Variants in ARHGAP28 observed in about 807,000 individuals in gnomAD.
ARHGAP28 encodes the protein Rho GTPase activating protein 28, also known as rho GTPase-activating protein 28.
A neutral mutation model predicts 90.7 loss-of-function variants in ARHGAP28; 56 were observed. The observed-to-expected ratio is 0.62, with a 90% confidence interval of 0.50 to 0.77. The LOEUF (loss-of-function observed/expected upper bound fraction) is 0.77, where lower values mean the gene tolerates loss of function less well. Ranked by LOEUF, ARHGAP28 falls within the 30% of genes least tolerant of loss-of-function variation. The pLI is 0.00. For missense variants in ARHGAP28, 869 were observed against 900.9 expected (o/e 0.96, Z 0.45); for synonymous variants, 308 against 323.3 (o/e 0.95, Z 0.51).
chr18:6,859,815 A>T lies in ARHGAP28; in HGVS notation c.644A>T (p.Asp215Val). 1 of 1,613,858 alleles carries T rather than the reference A, an allele frequency of 6.2e-7. No homozygotes were observed. The highest frequency in any genetic ancestry group is 8.5e-7 in the Non-Finnish European group (1 of 1,179,902). ...VIKTSGSMPD[D>V]ASLNSTTLSD... is the part of the protein sequence containing the mutation. ...TTTTATTTCTCCATTTAGCCAGATG[A>T]TGCTTCTCTCAACAGTACTACCCTG... Residue 215 changes from aspartate to valine, a missense_variant, in exon 5 of 18, where the codon GAT becomes GTT. Coordinates refer to ENST00000383472, the MANE Select transcript of ARHGAP28 (RefSeq NM_001366230.1).
chr18:6,739,198 ATTTATTGTTTCT>A (rs1438132451), intron 1 of ARHGAP28, among the ~76,000 whole-genome samples: 2 of 152,146 alleles, frequency 1.3e-5, no homozygotes, highest in African/African-American at 4.8e-5. Flanking sequence ...TATATTATGG[ATTTATTGTTTCT>A]CTGCCTCAAT....
chr18:6,746,667 A>G (rs1295118972), intron 1 of ARHGAP28, among the ~76,000 whole-genome samples: 1 of 152,256 alleles, frequency 6.6e-6, no homozygotes, highest in Non-Finnish European at 1.5e-5. Context: ...TTTCAAGGTC[A>G]CAAGGAATCA....
At chr18:6,855,562 C>T (rs559369515) in intron 4 of ARHGAP28, among the ~76,000 whole-genome samples, 30 of 152,278 alleles carry the variant, frequency 2.0e-4, no homozygotes, top group African/African-American at 6.3e-4. Context: ...TTTTCCTGGA[C>T]CTGGGACTAG....
intron 1 of ARHGAP28, among the ~76,000 whole-genome samples, chr18:6,806,382 TAGTAG>T (rs1440128321): frequency 5.9e-5 from 9 of 152,094 alleles, no homozygotes; most frequent in Non-Finnish European, 1.0e-4. Context: ...ATTAATGGCA[TAGTAG>T]ACATAGCACA....
chr18:6,759,893 G>C (rs1204935923), intron 1 of ARHGAP28, among the ~76,000 whole-genome samples: 1 of 152,154 alleles, frequency 6.6e-6, no homozygotes, highest in Admixed American at 6.5e-5. Context: ...ATTTAGATAG[G>C]TATCAGAACC....
intron 1 of ARHGAP28, among the ~76,000 whole-genome samples, chr18:6,783,490 G>A (rs377412137): frequency 4.9e-4 from 70 of 143,714 alleles, no homozygotes; most frequent in South Asian, 3.7e-3. Flanking sequence ...TAGTAGAGAC[G>A]GGGTTTCTCC....
chr18:6,730,219 G>GTATATATATATATA (rs374482561), intron 1 of ARHGAP28: 1,814 of 158,692 alleles, frequency 0.011, 133 homozygotes, highest in African/African-American at 0.037. Context: ...GATAAGTCAT[G>GTATATATATATATA]TGTATATATA....
chr18:6,887,024 TG>T, intron 11 of ARHGAP28, 132 bp from the exon 12 acceptor site: 1 of 726,746 alleles, frequency 1.4e-6, no homozygotes, highest in Non-Finnish European at 2.4e-6. Flanking sequence ...TTTACATTGC[TG>T]GGCACAAAAC....
At chr18:6,875,287 C>T (rs1242587050) in intron 9 of ARHGAP28, among the ~76,000 whole-genome samples, 1 of 152,234 alleles carries the variant, frequency 6.6e-6, no homozygotes, top group Non-Finnish European at 1.5e-5. Context: ...AGTACTCTCC[C>T]ACTCCTACAA....
intron 3 of ARHGAP28, among the ~76,000 whole-genome samples, chr18:6,839,588 C>A (rs551220095): frequency 5.3e-5 from 8 of 152,268 alleles, no homozygotes; most frequent in Admixed American, 1.3e-4. Context: ...TGAGCCACTG[C>A]GCCCGGCCAT....
chr18:6,841,616 C>T (rs2056828781), intron 3 of ARHGAP28, among the ~76,000 whole-genome samples: 1 of 151,766 alleles, frequency 6.6e-6, no homozygotes, highest in Admixed American at 6.6e-5. Context: ...CATAGAATCC[C>T]ATGCTCAAAA....
At chr18:6,901,838 C>T (rs571384936) in intron 16 of ARHGAP28, among the ~76,000 whole-genome samples, 1 of 152,182 alleles carries the variant, frequency 6.6e-6, no homozygotes, top group South Asian at 2.1e-4. Context: ...ATTCAGGAGT[C>T]CAGAAGTCTG....
Position 6,887,138 on chromosome 18 carries a change from A to C in ARHGAP28, c.1454-19A>C. Reference sequence around the variant, plus strand: ...TCAGGGCTATTTAAAATGTATGACTATTTCTGTTTTCTTGTTAGGAGGGCC... The same window carrying C: ...TCAGGGCTATTTAAAATGTATGACTCTTTCTGTTTTCTTGTTAGGAGGGCC... On this transcript the variant is annotated intron_variant, in intron 11 of 17. Coordinates refer to ENST00000383472, the MANE Select transcript of ARHGAP28 (RefSeq NM_001366230.1). The C allele has an allele frequency of 6.2e-7, 1 of 1,607,574 alleles. No homozygotes were observed. Among genetic ancestry groups the C allele is most frequent in the Non-Finnish European group, 8.5e-7 (1 of 1,174,130 alleles).
In ARHGAP28 at chr18:6,837,264, G is replaced by C; in HGVS notation, c.393G>C (p.Glu131Asp). 6.2e-7 allele frequency: 1 copy of C among 1,603,378 alleles called. No individual in the cohort carries two copies. Among genetic ancestry groups the C allele is most frequent in the Non-Finnish European group, 8.5e-7 (1 of 1,175,560 alleles). The change falls in exon 3 of 18, where the codon GAG becomes GAC. Residue 131 changes from glutamate to aspartate, a missense_variant. By Grantham distance (45) the Glu-to-Asp change is conservative (BLOSUM62 2). Coordinates refer to ENST00000383472, the MANE Select transcript of ARHGAP28 (RefSeq NM_001366230.1). ...GLSTLISGDE[E>D]EDGKALLSTL... is the part of the protein sequence containing the mutation. ...CAACTCTGATCTCAGGTGATGAAGA[G>C]GAAGATGGCAAAGCCTTGCTCTCCA...
chr18:6,776,899 T>C (rs953311082), intron 1 of ARHGAP28, among the ~76,000 whole-genome samples: 5 of 152,182 alleles, frequency 3.3e-5, no homozygotes, highest in Non-Finnish European at 7.3e-5. Context: ...TGGATGAATG[T>C]TAGCATATAC....
intron 1 of ARHGAP28, among the ~76,000 whole-genome samples, chr18:6,753,962 C>T (rs2056089626): frequency 6.6e-6 from 1 of 152,186 alleles, no homozygotes; most frequent in Non-Finnish European, 1.5e-5. Context: ...CACATTTCTT[C>T]TTCAGTATTA....
chr18:6,851,101 G>C lies in ARHGAP28; in HGVS notation c.611G>C (p.Arg204Thr), dbSNP rs931120169. 1.2e-6 allele frequency: 2 copies of C among 1,614,120 alleles called. No homozygotes were observed. The highest frequency in any genetic ancestry group is 1.7e-5 in the Admixed American group (1 of 60,028). ...ACCAAGGAAGAAAGAGAGCTTCCAA[G>C]AGTTATCAAGACAAGTGGTTCCATG... ...DGTKEERELP[R>T]VIKTSGSMPD... Residue 204 changes from arginine (R) to threonine (T), a missense_variant, in exon 4 of 18, where the codon AGA becomes ACA. Coordinates refer to ENST00000383472, the MANE Select transcript of ARHGAP28 (RefSeq NM_001366230.1).
chr18:6,881,589 A>C (rs1178597182), intron 10 of ARHGAP28, among the ~76,000 whole-genome samples: 2 of 152,240 alleles, frequency 1.3e-5, no homozygotes, highest in Non-Finnish European at 2.9e-5. Context: ...TGTGGAAGGC[A>C]TGTGTCTGTC....
At chr18:6,751,325 T>C (rs2056067311) in intron 1 of ARHGAP28, among the ~76,000 whole-genome samples, 1 of 151,624 alleles carries the variant, frequency 6.6e-6, no homozygotes, top group Non-Finnish European at 1.5e-5. Context: ...TTTTATCTCT[T>C]GTAAAGAAAA....
Sources: gnomAD v4.1 joint callset for allele counts (sites outside exome capture counted in the v4.1 genomes callset) on GRCh38, gnomAD v4.1.1 for gene constraint, MANE v1.5 for transcripts, NCBI Gene and HGNC (gene_info 2026-07-23, HGNC 2026-07-21) for gene names.